AKR1E2: variants seen among roughly 807,000 people sequenced by gnomAD.
The protein encoded by AKR1E2 is aldo-keto reductase family 1 member E2, also known as 1,5-anhydro-D-fructose reductase.
A neutral mutation model predicts 41.9 loss-of-function variants in AKR1E2; 43 were observed. The ratio of observed to expected loss-of-function variants is 1.03; its 90% CI spans 0.80 to 1.32. AKR1E2 has a LOEUF of 1.32. Ranked by LOEUF, AKR1E2 falls within the 40% of genes most tolerant of loss-of-function variation. The pLI, the probability that AKR1E2 is intolerant of heterozygous loss-of-function variation, is 0.00. For missense variants in AKR1E2, 423 were observed against 396.5 expected, an observed-to-expected ratio of 1.07 and a Z score of -0.57; for synonymous variants, 121 against 138.9, an observed-to-expected ratio of 0.87 and a Z score of 0.91.
rs747889642 is a variant in AKR1E2 at position 4,841,770 on chromosome 10, A to G, written c.681-15A>G. On this transcript the variant is annotated splice_polypyrimidine_tract_variant and intron_variant, in intron 6 of 9. Transcript: ENST00000298375. ...TGGATCTCCTGGCTCACTCCCCTGT[A>G]CTGTGTCTCTCTAGTGAGGGGGTTG... 2 of 1,605,270 alleles carry G rather than the reference A, an allele frequency of 1.2e-6. No homozygotes were observed. The highest frequency in any genetic ancestry group is 2.2e-5 in the South Asian group (2 of 89,680).
chr10:4,826,683 G>T (rs527937290), intron 1 of AKR1E2, among the ~76,000 whole-genome samples: 1 of 152,302 alleles, frequency 6.6e-6, no homozygotes, highest in African/African-American at 2.4e-5. Flanking sequence ...AGCCCTTGAA[G>T]TTACTCAGAA....
intron 8 of AKR1E2, among the ~76,000 whole-genome samples, chr10:4,845,247 G>A (rs1372835706): frequency 6.6e-6 from 1 of 152,192 alleles, no homozygotes; most frequent in Admixed American, 6.5e-5. Context: ...CCCGGAATTC[G>A]TGCTGGCCTG....
At chr10:4,863,446 G>A in the AKR1E2 span, among the ~76,000 whole-genome samples, 3 of 152,038 alleles carry the variant, frequency 2.0e-5, no homozygotes, top group Admixed American at 1.3e-4. Flanking sequence ...GAATCTCTGG[G>A]ACACATTTAA....
the AKR1E2 span, among the ~76,000 whole-genome samples, chr10:4,872,769 A>C: frequency 6.6e-6 from 1 of 152,242 alleles, no homozygotes; most frequent in South Asian, 2.1e-4. Context: ...TAAGCTAAAT[A>C]AACTAGTAAA....
intron 8 of AKR1E2, among the ~76,000 whole-genome samples, chr10:4,845,610 G>A (rs921161021): frequency 5.3e-5 from 8 of 151,964 alleles, no homozygotes; most frequent in African/African-American, 1.9e-4. Context: ...CCCTCCCATG[G>A]GAGGAGCCAC....
At position 4,841,826 on chromosome 10, in the gene AKR1E2, T is replaced by C; in HGVS notation, c.722T>C (p.Ile241Thr). 6.2e-7 allele frequency: 1 copy of C among 1,613,634 alleles called. No homozygotes were observed. Among genetic ancestry groups the C allele is most frequent in the Non-Finnish European group, 8.5e-7 (1 of 1,179,794 alleles). ...DLIDNPVIKR[I>T]AKEHGKSPAQ... ...ATAGACAACCCTGTGATCAAGAGGA[T>C]TGCAAAGGAGCACGGCAAGTCTCCT... Residue 241 changes from isoleucine to threonine, a missense_variant, in exon 7 of 10, where the codon ATT becomes ACT. Transcript: ENST00000298375.
At chr10:4,842,029 GT>G (rs1328655185) in intron 7 of AKR1E2, among the ~76,000 whole-genome samples, 172 bp downstream of exon 7, 1 of 152,138 alleles carries the variant, frequency 6.6e-6, no homozygotes, top group Non-Finnish European at 1.5e-5. Context: ...CGCATTTCTA[GT>G]CACTCAAGCC....
At chr10:4,855,228 A>G in the AKR1E2 span, among the ~76,000 whole-genome samples, 1 of 152,168 alleles carries the variant, frequency 6.6e-6, no homozygotes, top group Admixed American at 6.5e-5. Context: ...ATAACTGTTT[A>G]TCTTCTCTTC....
At chr10:4,834,346 G>C (rs1409468692) in intron 3 of AKR1E2, among the ~76,000 whole-genome samples, 1 of 152,210 alleles carries the variant, frequency 6.6e-6, no homozygotes, top group African/African-American at 2.4e-5. Context: ...CTAAGGCTTT[G>C]TATCTAGTTT....
In AKR1E2 at chr10:4,847,768, C is replaced by T. The variant is rs1034738409; in HGVS notation, c.*238C>T. On this transcript the variant is annotated 3_prime_UTR_variant, in exon 10 of 10. Transcript: ENST00000298375. Reference sequence around the variant, plus strand: ...GTGGCCTCTACTCTGAACAAATACACTGATGAGTCATCAGTGAAATTTGCC... The same window carrying T: ...GTGGCCTCTACTCTGAACAAATACATTGATGAGTCATCAGTGAAATTTGCC... 1.9e-6 allele frequency: 1 copy of T among 521,628 alleles called. No individual in the cohort carries two copies. The highest frequency in any genetic ancestry group is 1.9e-5 in the African/African-American group (1 of 51,574). The allele number at this position is 521,628 out of a possible 1,614,324, so 32.3% of individuals were successfully genotyped here.
chr10:4,826,832 T>C (rs2131477656), intron 1 of AKR1E2, among the ~76,000 whole-genome samples: 1 of 151,960 alleles, frequency 6.6e-6, no homozygotes, highest in Admixed American at 6.5e-5. Context: ...TCCCAGCACT[T>C]TGGGAGGCCG....
chr10:4,869,097 C>G, the AKR1E2 span, among the ~76,000 whole-genome samples: 1 of 151,994 alleles, frequency 6.6e-6, no homozygotes, highest in African/African-American at 2.4e-5. Flanking sequence ...TTTTCTGAAG[C>G]GATTGTATAG....
chr10:4,826,075 T>G (rs1379778432), upstream of AKR1E2: 1 of 392,194 alleles, frequency 2.5e-6, no homozygotes, highest in African/African-American at 2.1e-5. Flanking sequence ...GGACTCCAGC[T>G]GGCTCTGCGC....
chr10:4,835,956 G>A (rs548904884), intron 4 of AKR1E2, 147 bp downstream of exon 4: 13 of 1,171,412 alleles, frequency 1.1e-5, no homozygotes, highest in East Asian at 2.6e-5. Flanking sequence ...ATCAATACCC[G>A]AAGAACTCAG....
At chr10:4,836,527 G>GTAAGCT (rs1280720644) in intron 4 of AKR1E2, among the ~76,000 whole-genome samples, 2 of 152,184 alleles carry the variant, frequency 1.3e-5, no homozygotes, top group Admixed American at 6.5e-5. Flanking sequence ...CAAGAAGAAA[G>GTAAGCT]TAAGCTTAAG....
the AKR1E2 span, among the ~76,000 whole-genome samples, chr10:4,853,279 T>G: frequency 3.9e-5 from 6 of 152,182 alleles, no homozygotes; most frequent in Admixed American, 3.9e-4. Context: ...CAAAATGTCT[T>G]GGCTAAACTT....
intron 1 of AKR1E2, among the ~76,000 whole-genome samples, chr10:4,828,089 C>A (rs1262024817): frequency 6.6e-6 from 1 of 152,172 alleles, no homozygotes; most frequent in East Asian, 1.9e-4. Flanking sequence ...CAGACCTATC[C>A]GTTATCTGTT....
the AKR1E2 span, among the ~76,000 whole-genome samples, chr10:4,859,182 T>C: frequency 6.6e-6 from 1 of 152,194 alleles, no homozygotes; most frequent in Admixed American, 6.5e-5. Context: ...CACAATTTAT[T>C]CATTTATTTC....
the AKR1E2 span, among the ~76,000 whole-genome samples, chr10:4,862,243 ATG>A: frequency 6.6e-6 from 1 of 151,944 alleles, no homozygotes; most frequent in Non-Finnish European, 1.5e-5. Context: ...ATAGTTGTAG[ATG>A]TGTGGTATTA....
Sources: allele counts gnomAD v4.1 joint callset (sites outside exome capture counted in the v4.1 genomes callset), GRCh38; gene constraint gnomAD v4.1.1; transcripts MANE v1.5; gene names NCBI Gene and HGNC (gene_info 2026-07-23, HGNC 2026-07-21).